The following ANKRD44 variants were observed in gnomAD, a reference collection of about 807,000 sequenced individuals.
ANKRD44 encodes ankyrin repeat domain 44.
Under a neutral mutation model 116.0 loss-of-function variants are expected in ANKRD44, and 35 were observed. The ratio of observed to expected loss-of-function variants is 0.30; its 90% CI spans 0.23 to 0.40. The LOEUF (loss-of-function observed/expected upper bound fraction) is 0.40. ANKRD44 is among the 10% of genes least tolerant of loss of function. The pLI is 1.00. For synonymous variants in ANKRD44, 435 were observed against 461.8 expected, an observed-to-expected ratio of 0.94 and a Z score of 0.74; for missense variants, 1,014 against 1,242.6, an observed-to-expected ratio of 0.82 and a Z score of 2.77.
intron 16 of ANKRD44, among the ~76,000 whole-genome samples, chr2:197,059,122 T>G (rs1386242643): frequency 1.3e-5 from 2 of 152,078 alleles, no homozygotes; most frequent in East Asian, 3.9e-4. Context: ...TTTATTTGCC[T>G]AGGGCCAGAG....
At chr2:197,119,458 A>G (rs1426356872) in intron 8 of ANKRD44, among the ~76,000 whole-genome samples, 2 of 152,182 alleles carry the variant, frequency 1.3e-5, no homozygotes, top group African/African-American at 2.4e-5. Flanking sequence ...TAGGTTGCTC[A>G]GGCTGATCTT....
intron 16 of ANKRD44, among the ~76,000 whole-genome samples, chr2:197,060,854 T>A (rs2077297303): frequency 6.6e-6 from 1 of 152,158 alleles, no homozygotes; most frequent in Non-Finnish European, 1.5e-5. Context: ...AATGGCAGGA[T>A]TCCCTTCTGT....
intron 16 of ANKRD44, among the ~76,000 whole-genome samples, chr2:197,032,597 C>A (rs2076728516): frequency 6.6e-6 from 1 of 152,094 alleles, no homozygotes; most frequent in South Asian, 2.1e-4. Flanking sequence ...ACCATGTTAG[C>A]CAGGATAGTC....
At chr2:197,290,415 A>G (rs576305136) in intron 1 of ANKRD44, among the ~76,000 whole-genome samples, 1 of 152,162 alleles carries the variant, frequency 6.6e-6, no homozygotes, top group African/African-American at 2.4e-5. Context: ...AGAAATGTCT[A>G]TTCACTTCTT....
intron 1 of ANKRD44, among the ~76,000 whole-genome samples, chr2:197,276,220 G>C (rs1195524093): frequency 1.3e-5 from 2 of 150,368 alleles, no homozygotes; most frequent in Non-Finnish European, 3.0e-5. Flanking sequence ...AGTTGCAGGG[G>C]GCTGAAATCA....
At chr2:197,086,626 C>T in intron 13 of ANKRD44, 54 bp downstream of exon 13, 1 of 1,539,168 alleles carries the variant, frequency 6.5e-7, no homozygotes, top group East Asian at 2.3e-5. Flanking sequence ...CTACATAGAC[C>T]ACTCCCAGTT....
At chr2:197,184,764 C>T (rs2080612309) in intron 2 of ANKRD44, among the ~76,000 whole-genome samples, 1 of 152,014 alleles carries the variant, frequency 6.6e-6, no homozygotes. Context: ...TACCTGGGAT[C>T]CTGTTTGGAA....
intron 9 of ANKRD44, among the ~76,000 whole-genome samples, chr2:197,100,280 A>G (rs951124815): frequency 1.3e-5 from 2 of 152,014 alleles, no homozygotes; most frequent in Non-Finnish European, 2.9e-5. Flanking sequence ...ACCAAAAATA[A>G]AAAAATTAGC....
chr2:197,091,153 A>T (rs62279205), intron 10 of ANKRD44, among the ~76,000 whole-genome samples: 19,171 of 152,278 alleles, frequency 0.13, 1,419 homozygotes, highest in Non-Finnish European at 0.17. Context: ...GACGGCAGAC[A>T]TCAAAGCGCA....
At chr2:197,232,054 G>T (rs1179975041) in intron 1 of ANKRD44, among the ~76,000 whole-genome samples, 2 of 152,128 alleles carry the variant, frequency 1.3e-5, no homozygotes, top group Non-Finnish European at 2.9e-5. Flanking sequence ...AAGGAATTTG[G>T]TTATCAAGAC....
chr2:197,047,905 G>A (rs118026214), intron 16 of ANKRD44, among the ~76,000 whole-genome samples: 377 of 145,842 alleles, frequency 2.6e-3, no homozygotes, highest in East Asian at 0.015. Flanking sequence ...GTGAGACTCC[G>A]CAAAAAGAAA....
chr2:197,269,660 C>T (rs113314912), intron 1 of ANKRD44, among the ~76,000 whole-genome samples: 7 of 152,242 alleles, frequency 4.6e-5, no homozygotes, highest in African/African-American at 1.4e-4. Context: ...CCATGCCACC[C>T]TCTAGTTTAT....
At chr2:197,285,201 G>T (rs2083376175) in intron 1 of ANKRD44, among the ~76,000 whole-genome samples, 1 of 151,952 alleles carries the variant, frequency 6.6e-6, no homozygotes, top group South Asian at 2.1e-4. Context: ...GACCCATTGA[G>T]CCAAACTGCA....
rs568801426 is a variant in ANKRD44, at chr2:197,030,901, T to C, written c.1651-5634A>G. Among the ~76,000 whole-genome samples, 54 of 152,074 alleles carry C rather than the reference T, an allele frequency of 3.6e-4. 3 individuals are homozygous for C. The South Asian group carries it at 0.011, about 32-fold the overall frequency. On this transcript the variant is annotated intron_variant, in intron 16 of 27. Transcript: ENST00000282272. Reference sequence around the variant, plus strand: ...TATGTTGCCCAGGCTGGTCTCAAACTCTAGGCTCAAGCAGTCCTCCTACCT... The same window carrying C: ...TATGTTGCCCAGGCTGGTCTCAAACCCTAGGCTCAAGCAGTCCTCCTACCT...
chr2:197,280,954 T>C (rs949571822), intron 1 of ANKRD44, among the ~76,000 whole-genome samples: 1 of 152,116 alleles, frequency 6.6e-6, no homozygotes, highest in Non-Finnish European at 1.5e-5. Flanking sequence ...GAAAATAAAA[T>C]AAAAATAATT....
In ANKRD44 at chr2:197,118,637, G is replaced by GAAAGAAAGAAAGAAAGAAAGAA. The variant is rs1553512574; in HGVS notation, c.906+2694_906+2695insTTCTTTCTTTCTTTCTTTCTTT. Among the ~76,000 whole-genome samples, 150 of 112,420 alleles carry GAAAGAAAGAAAGAAAGAAAGAA rather than the reference G, an allele frequency of 1.3e-3. 1 individual carries two copies. Among genetic ancestry groups the GAAAGAAAGAAAGAAAGAAAGAA allele is most frequent in the African/African-American group, 2.2e-3 (65 of 30,054 alleles). 73.8% of individuals were successfully genotyped at this position (112,420 alleles called of 152,430 possible). Reference sequence around the variant, plus strand: ...AGAAAGAGAGAGAGAGAGAGAGAGAGAGAAAGAAAGAAAGAAAGAAAGAAA... The same window carrying GAAAGAAAGAAAGAAAGAAAGAA: ...AGAAAGAGAGAGAGAGAGAGAGAGAGAAAGAAAGAAAGAAAGAAAGAAAGAAAGAAAGAAAGAAAGAAAGAAA... On this transcript the variant is annotated intron_variant, in intron 8 of 27. Transcript: ENST00000282272.
chr2:197,125,453 A>G lies in ANKRD44; in HGVS notation c.478T>C (p.Leu160=). 1 of 1,613,886 alleles carries G rather than the reference A, an allele frequency of 6.2e-7. No individual in the cohort carries two copies. The highest frequency in any genetic ancestry group is 1.7e-4 in the Middle Eastern group (1 of 5,780). ...GCATTGATATTTGCCCCTTTGGCCA[A>G]GAGTAAATTGACCATCTGAAAGATA... ...NGHVEMVNLL[L]AKGANINAFD... Residue 160 remains leucine (L), a synonymous_variant, in exon 6 of 28, where the codon TTG becomes CTG. Transcript: ENST00000282272.
At chr2:197,226,968 A>G (rs2081732603) in intron 1 of ANKRD44, among the ~76,000 whole-genome samples, 2 of 152,124 alleles carry the variant, frequency 1.3e-5, no homozygotes, top group South Asian at 4.1e-4. Context: ...GAGACCTGCT[A>G]TCTAACAGCC....
At chr2:197,206,850 A>T (rs2081219000) in intron 1 of ANKRD44, among the ~76,000 whole-genome samples, 1 of 152,186 alleles carries the variant, frequency 6.6e-6, no homozygotes, top group African/African-American at 2.4e-5. Context: ...ACATAAGATA[A>T]ATCTAAAGAG....
Sources: allele counts gnomAD v4.1 joint callset (sites outside exome capture counted in the v4.1 genomes callset), GRCh38; gene constraint gnomAD v4.1.1; transcripts MANE v1.5; gene names NCBI Gene and HGNC (gene_info 2026-07-23, HGNC 2026-07-21).